WDPCP: variants seen among roughly 807,000 people sequenced by gnomAD.
The protein encoded by WDPCP is WD repeat containing planar cell polarity effector.
In WDPCP, 71 loss-of-function variants were observed where a neutral mutation model predicts 93.1. That is an observed-to-expected ratio of 0.76 (90% confidence interval 0.63 to 0.93). The LOEUF is 0.93. Ranked by LOEUF, WDPCP falls within the 40% of genes least tolerant of loss-of-function variation. The pLI, the probability that WDPCP is intolerant of heterozygous loss-of-function variation, is 0.00. For missense variants in WDPCP, 844 were observed against 887.4 expected (o/e 0.95, Z 0.62); for synonymous variants, 315 against 315.0 (o/e 1.00, Z 0.00).
chr2:63,701,897 T>C (rs1029579017), intron 2 of WDPCP, among the ~76,000 whole-genome samples: 8 of 152,132 alleles, frequency 5.3e-5, no homozygotes, highest in Admixed American at 3.3e-4. Flanking sequence ...GGTACAAATA[T>C]ACAGTTCGAT....
intron 10 of WDPCP, among the ~76,000 whole-genome samples, chr2:63,397,659 G>T (rs889363754): frequency 6.6e-6 from 1 of 152,106 alleles, no homozygotes; most frequent in Non-Finnish European, 1.5e-5. Context: ...TGTGAAAGTG[G>T]GAGTGGTCAG....
upstream of WDPCP, among the ~76,000 whole-genome samples, chr2:63,591,555 G>A (rs992847198): frequency 6.6e-6 from 1 of 152,164 alleles, no homozygotes; most frequent in Non-Finnish European, 1.5e-5. Context: ...GTGACCTTAT[G>A]GGAAGTTAAA....
At chr2:63,734,587 T>A (rs148534391) in intron 2 of WDPCP, among the ~76,000 whole-genome samples, 183 of 152,344 alleles carry the variant, frequency 1.2e-3, no homozygotes, top group African/African-American at 4.1e-3. Flanking sequence ...TTAAAACTTG[T>A]ATGTTCCATC....
intron 2 of WDPCP, among the ~76,000 whole-genome samples, chr2:63,659,857 T>A (rs1325495416): frequency 2.0e-5 from 3 of 152,202 alleles, no homozygotes. Flanking sequence ...GCTTGCTCTC[T>A]CATGGTCTAG....
In WDPCP at chr2:63,609,513, A is replaced by G. The variant is rs1575729058; in HGVS notation, n.488+41146T>C. 2.6e-5 allele frequency among the ~76,000 whole-genome samples: 4 copies of G among 152,330 alleles called. 1 individual carries two copies. Among genetic ancestry groups the G allele is most frequent in the Admixed American group, 2.6e-4 (4 of 15,300 alleles). On this transcript the variant is annotated intron_variant and non_coding_transcript_variant, in intron 3 of 4. Transcript: ENST00000467687. ...CTTCTATCCACTTTATATAAGCCAG[A>G]AAAGAAAAAAACAAATGAATCAAAC...
chr2:63,320,610 C>A (rs1575134135), intron 12 of WDPCP, among the ~76,000 whole-genome samples: 1 of 152,138 alleles, frequency 6.6e-6, no homozygotes, highest in Non-Finnish European at 1.5e-5. Context: ...AAGATTTCTA[C>A]ATTTTAATTC....
chr2:63,773,601 T>C (rs1469648385), intron 2 of WDPCP, among the ~76,000 whole-genome samples: 8 of 152,086 alleles, frequency 5.3e-5, no homozygotes, highest in Non-Finnish European at 2.9e-5. Context: ...TATACTTCAA[T>C]AAAATAATTC....
At chr2:63,636,245 T>C (rs536563798) in intron 3 of WDPCP, among the ~76,000 whole-genome samples, 15 of 152,318 alleles carry the variant, frequency 9.8e-5, no homozygotes, top group East Asian at 3.9e-4. Context: ...TGTTCATGGA[T>C]TGGAAGAATA....
Position 63,484,974 on chromosome 2 carries a change from A to G in WDPCP, c.267T>C (p.Pro89=). 1 of 1,612,582 alleles carries G rather than the reference A, an allele frequency of 6.2e-7. No homozygotes were observed. Among genetic ancestry groups the G allele is most frequent in the Non-Finnish European group, 8.5e-7 (1 of 1,178,986 alleles). ...KQKLAESRDY[P]WTLKNRRPEK... Reference sequence around the variant, plus strand: ...CTGGGCGTCTGTTTTTGAGCGTCCAAGGATAATCTCGTGCTGGCAAATAAA... The same window carrying G: ...CTGGGCGTCTGTTTTTGAGCGTCCAGGGATAATCTCGTGCTGGCAAATAAA... Residue 89 remains proline, a synonymous_variant, in exon 5 of 18, where the codon CCT becomes CCC. Coordinates refer to ENST00000272321, the MANE Select transcript of WDPCP (RefSeq NM_015910.7).
chr2:63,813,831 A>G (rs1312794507), intron 1 of WDPCP: 3 of 152,336 alleles, frequency 2.0e-5, no homozygotes, highest in Non-Finnish European at 2.9e-5. Context: ...AACATATTCC[A>G]TATCATAGAT....
At chr2:63,823,340 T>C (rs2104137243) in intron 1 of WDPCP, among the ~76,000 whole-genome samples, 1 of 152,118 alleles carries the variant, frequency 6.6e-6, no homozygotes, top group East Asian at 1.9e-4. Context: ...ACCCCGTCTC[T>C]ACTAAAAATA....
At chr2:63,228,660 C>G (rs1678532711) in intron 14 of WDPCP, 1 of 151,816 alleles carries the variant, frequency 6.6e-6, no homozygotes, top group South Asian at 2.1e-4. Flanking sequence ...TCCATTCCCA[C>G]CTATGAGTGA....
intron 13 of WDPCP, among the ~76,000 whole-genome samples, chr2:63,299,867 C>T (rs1227635754): frequency 1.3e-5 from 2 of 152,128 alleles, no homozygotes; most frequent in Admixed American, 6.5e-5. Flanking sequence ...TAACAAAGAA[C>T]AGCCTGCAAG....
chr2:63,347,362 C>A (rs752759320), intron 12 of WDPCP, among the ~76,000 whole-genome samples: 6 of 152,042 alleles, frequency 3.9e-5, no homozygotes, highest in Non-Finnish European at 7.4e-5. Context: ...TTATATGAAA[C>A]AATTATTTAT....
At chr2:63,219,388 A>G (rs1454688057) in intron 14 of WDPCP, among the ~76,000 whole-genome samples, 1 of 151,870 alleles carries the variant, frequency 6.6e-6, no homozygotes, top group Admixed American at 6.6e-5. Context: ...CAGGCATGCC[A>G]ATAAGTAAAA....
At chr2:63,264,347 T>C (rs890292607) in intron 13 of WDPCP, among the ~76,000 whole-genome samples, 2 of 152,074 alleles carry the variant, frequency 1.3e-5, no homozygotes, top group African/African-American at 4.8e-5. Flanking sequence ...AAGATATACT[T>C]TTAGTAAAAA....
chr2:63,535,960 G>A (rs919413817), intron 1 of WDPCP, among the ~76,000 whole-genome samples: 10 of 151,980 alleles, frequency 6.6e-5, no homozygotes, highest in Middle Eastern at 3.4e-3. Flanking sequence ...TGCAGTCTAC[G>A]CATCTGACAA....
rs539741347 is a variant in WDPCP, at chr2:63,608,110, A to T, written n.488+42549T>A. 2.0e-5 allele frequency among the ~76,000 whole-genome samples: 3 copies of T among 152,278 alleles called. No homozygotes were observed. The East Asian group carries it at 5.8e-4, about 29-fold the overall frequency. On this transcript the variant is annotated intron_variant and non_coding_transcript_variant, in intron 3 of 4. Transcript: ENST00000467687. ...TTGTAGATAATTTGATTTTAAGGCT[A>T]GCTACTAATATTAAATAAGTTGCAG... is the stretch of plus-strand genomic sequence containing the variant.
chr2:63,397,813 TG>T (rs1214101213), intron 10 of WDPCP, among the ~76,000 whole-genome samples: 4 of 151,884 alleles, frequency 2.6e-5, no homozygotes, highest in African/African-American at 9.7e-5. Flanking sequence ...GAGTGAGAAG[TG>T]AAGAAGCAGA....
Sources: gnomAD v4.1 joint callset for allele counts (sites outside exome capture counted in the v4.1 genomes callset) on GRCh38, gnomAD v4.1.1 for gene constraint, MANE v1.5 for transcripts, NCBI Gene and HGNC (gene_info 2026-07-23, HGNC 2026-07-21) for gene names.